The following AK8 variants were observed in gnomAD, a reference collection of about 807,000 sequenced individuals.
The protein encoded by AK8 is adenylate kinase 8.
Under a neutral mutation model 54.6 loss-of-function variants are expected in AK8, and 44 were observed. The ratio of observed to expected loss-of-function variants is 0.81; its 90% CI spans 0.63 to 1.04. AK8 has a LOEUF of 1.04. AK8 is among the 50% of genes least tolerant of loss of function. The pLI, the probability that AK8 is intolerant of heterozygous loss-of-function variation, is 0.00. For synonymous variants in AK8, 239 were observed against 245.6 expected (o/e 0.97, Z 0.25); for missense variants, 555 against 613.6 (o/e 0.90, Z 1.01).
At chr9:132,856,994 G>C (rs1187567608) in intron 4 of AK8, among the ~76,000 whole-genome samples, 1 of 152,142 alleles carries the variant, frequency 6.6e-6, no homozygotes, top group East Asian at 1.9e-4. Flanking sequence ...AAGATCGAGA[G>C]CAAGAGGGAG....
At chr9:132,777,599 C>A (rs1486639576) in intron 11 of AK8, among the ~76,000 whole-genome samples, 4 of 152,118 alleles carry the variant, frequency 2.6e-5, no homozygotes, top group African/African-American at 4.8e-5. Flanking sequence ...ATTTTCCCAG[C>A]AAATATGTCC....
At chr9:132,828,546 TG>T in intron 6 of AK8, 98 bp downstream of exon 6, 1 of 1,058,730 alleles carries the variant, frequency 9.4e-7, no homozygotes, top group Non-Finnish European at 1.4e-6. Context: ...AGACGGTGCC[TG>T]GGCTGAGGTC....
intron 10 of AK8, among the ~76,000 whole-genome samples, chr9:132,795,597 T>C (rs929104585): frequency 6.6e-6 from 1 of 152,080 alleles, no homozygotes; most frequent in Non-Finnish European, 1.5e-5. Flanking sequence ...AATAATCCTA[T>C]CCCCACGATT....
In AK8 at chr9:132,873,386, T is replaced by C. The variant is rs1321273309; in HGVS notation, c.169+1729A>G. Among the ~76,000 whole-genome samples, 3 of 152,244 alleles carry C rather than the reference T, an allele frequency of 2.0e-5. No homozygotes were observed. In the East Asian group the frequency reaches 5.8e-4, roughly 29 times the overall value. On this transcript the variant is annotated intron_variant, in intron 2 of 12. Transcript: ENST00000298545. ...AAAGAGAGCCACGATCTCTCACGTC[T>C]CTACATTTTAAGATGAGTGAGCTGC... is the stretch of plus-strand genomic sequence containing the variant.
chr9:132,828,576 C>T (rs894410968), intron 6 of AK8, 69 bp downstream of exon 6: 9 of 1,390,376 alleles, frequency 6.5e-6, no homozygotes, highest in South Asian at 2.5e-5. Flanking sequence ...GCAGCATGAG[C>T]GGGGCGCTCA....
At chr9:132,747,201 T>C (rs1408395837) in intron 11 of AK8, among the ~76,000 whole-genome samples, 1 of 152,190 alleles carries the variant, frequency 6.6e-6, no homozygotes, top group Non-Finnish European at 1.5e-5. Flanking sequence ...AGTGCAGTGG[T>C]GCAATCTCGG....
At chr9:132,839,649 C>T (rs974923568) in intron 5 of AK8, among the ~76,000 whole-genome samples, 3 of 152,132 alleles carry the variant, frequency 2.0e-5, no homozygotes, top group Admixed American at 6.5e-5. Context: ...GCTTTGACTC[C>T]GGCAGGGGCT....
chr9:132,848,115 C>CAAAAA (rs796764891), intron 5 of AK8, among the ~76,000 whole-genome samples: 11 of 52,532 alleles, frequency 2.1e-4, no homozygotes, highest in East Asian at 1.3e-3. Context: ...CACCCTGTTT[C>CAAAAA]AAAAAAAAAA....
intron 11 of AK8, among the ~76,000 whole-genome samples, chr9:132,745,830 G>A (rs1018385252): frequency 3.9e-5 from 6 of 152,172 alleles, no homozygotes; most frequent in African/African-American, 1.4e-4. Context: ...GCCACCAGGA[G>A]CTTCTTTAAA....
chr9:132,812,698 G>A (rs891429049), intron 10 of AK8, among the ~76,000 whole-genome samples: 7 of 152,194 alleles, frequency 4.6e-5, no homozygotes, highest in South Asian at 2.1e-4. Context: ...GAAGCCTGGG[G>A]CTTCGAGAAG....
chr9:132,725,929 C>G lies in AK8; in HGVS notation c.1203-4G>C, dbSNP rs1318060489. On this transcript the variant is annotated splice_region_variant and splice_polypyrimidine_tract_variant and intron_variant, in intron 12 of 12. Transcript: ENST00000298545. ...TGGCTTGTACATGAGGTGGTACCTGCAAGGGAGGAAGGAAAGCAGGTGACC... is the reference window on the plus strand; with the variant it reads ...TGGCTTGTACATGAGGTGGTACCTGGAAGGGAGGAAGGAAAGCAGGTGACC... The G allele has an allele frequency of 6.2e-7, 1 of 1,608,504 alleles. No individual in the cohort carries two copies. Among genetic ancestry groups the G allele is most frequent in the East Asian group, 2.2e-5 (1 of 44,764 alleles).
chr9:132,852,304 A>C (rs537941664), intron 5 of AK8, among the ~76,000 whole-genome samples: 6 of 152,078 alleles, frequency 3.9e-5, no homozygotes, highest in Admixed American at 3.3e-4. Context: ...TGAAACCCTG[A>C]CTCTATTAAA....
At position 132,838,188 on chromosome 9, in the gene AK8, T is replaced by G. The variant is rs2131336148; in HGVS notation, c.403-9462A>C. 1.3e-5 allele frequency among the ~76,000 whole-genome samples: 2 copies of G among 152,288 alleles called. 1 individual carries two copies. Among genetic ancestry groups the G allele is most frequent in the South Asian group, 4.1e-4 (2 of 4,826 alleles). On this transcript the variant is annotated intron_variant, in intron 5 of 12. Coordinates refer to ENST00000298545, the MANE Select transcript of AK8 (RefSeq NM_152572.3). ...CTAGCTCCTCCACTCCGTTACTGTTTCCACTATAAAATACTGACTCATGTT... is the reference window on the plus strand; with the variant it reads ...CTAGCTCCTCCACTCCGTTACTGTTGCCACTATAAAATACTGACTCATGTT...
At chr9:132,855,727 G>A (rs1188171174) in intron 4 of AK8, among the ~76,000 whole-genome samples, 5 of 152,216 alleles carry the variant, frequency 3.3e-5, no homozygotes, top group African/African-American at 1.2e-4. Flanking sequence ...TGTTGAGCAC[G>A]TGCTATGTGC....
intron 5 of AK8, among the ~76,000 whole-genome samples, chr9:132,839,764 G>C (rs75019164): frequency 2.1e-5 from 3 of 145,270 alleles, no homozygotes; most frequent in South Asian, 4.4e-4. Flanking sequence ...CCGTTTTTGC[G>C]GCTTATGACA....
chr9:132,871,734 A>G (rs1323394434), intron 2 of AK8, among the ~76,000 whole-genome samples: 1 of 152,218 alleles, frequency 6.6e-6, no homozygotes, highest in African/African-American at 2.4e-5. Context: ...GAGCTTCAGG[A>G]AAGCCCCAGA....
intron 5 of AK8, among the ~76,000 whole-genome samples, chr9:132,845,682 G>A (rs1423156638): frequency 2.0e-5 from 3 of 151,664 alleles, no homozygotes; most frequent in African/African-American, 7.3e-5. Flanking sequence ...TCAGGAGGCT[G>A]AGGCAGGAGA....
chr9:132,875,218 C>T lies in AK8; in HGVS notation c.85-19G>A, dbSNP rs1844040982. ...GCATGTTCTGTGGGTGCAGGGCAGA[C>T]ACCCAGGTGGTTAATACCTGCAAGG... On this transcript the variant is annotated intron_variant, in intron 1 of 12. Coordinates refer to ENST00000298545, the MANE Select transcript of AK8 (RefSeq NM_152572.3). 1 of 1,613,454 alleles carries T rather than the reference C, an allele frequency of 6.2e-7. No homozygotes were observed. The highest frequency in any genetic ancestry group is 1.3e-5 in the African/African-American group (1 of 74,896).
chr9:132,821,829 A>ATATATG (rs1554797765), intron 9 of AK8, among the ~76,000 whole-genome samples: 2 of 112,680 alleles, frequency 1.8e-5, no homozygotes, highest in Non-Finnish European at 3.5e-5. Flanking sequence ...AAATATATAC[A>ATATATG]TATATGTGTA....
Sources: gnomAD v4.1 joint callset for allele counts (sites outside exome capture counted in the v4.1 genomes callset) on GRCh38, gnomAD v4.1.1 for gene constraint, MANE v1.5 for transcripts, NCBI Gene and HGNC (gene_info 2026-07-23, HGNC 2026-07-21) for gene names.